The following MAP7D2 variants were observed in gnomAD, a reference collection of about 807,000 sequenced individuals.
MAP7D2 encodes MAP7 domain-containing protein 2.
In MAP7D2, 33 loss-of-function variants were observed where a neutral mutation model predicts 63.5. The ratio of observed to expected loss-of-function variants is 0.52; its 90% CI spans 0.39 to 0.70. The LOEUF is 0.70. MAP7D2 is among the 30% of genes least tolerant of loss of function. The pLI, the probability that MAP7D2 is intolerant of heterozygous loss-of-function variation, is 0.00. For missense variants in MAP7D2, 626 were observed against 604.0 expected, an observed-to-expected ratio of 1.04 and a Z score of -0.38; for synonymous variants, 224 against 223.7, an observed-to-expected ratio of 1.00 and a Z score of -0.01.
chrX:20,013,424 C>T, intron 13 of MAP7D2, 145 bp downstream of exon 13: 2 of 532,981 alleles, frequency 3.8e-6, no homozygotes, highest in Admixed American at 4.0e-5. Context: ...GTACCTAACC[C>T]TCCTTAACCT....
At chrX:20,032,568 T>C (rs2074083663) in intron 8 of MAP7D2, among the ~76,000 whole-genome samples, 1 of 111,898 alleles carries the variant, frequency 8.9e-6, no homozygotes, top group Admixed American at 9.5e-5. Context: ...ATCCTAATTT[T>C]TTCCCTCATA....
intron 10 of MAP7D2, among the ~76,000 whole-genome samples, chrX:20,019,628 G>A (rs2073562446): frequency 1.8e-5 from 2 of 111,797 alleles, no homozygotes; most frequent in Admixed American, 1.9e-4. Flanking sequence ...CGAGTATGTG[G>A]GTTTCACTGG....
At chrX:20,082,822 G>T (rs1397692787) in intron 1 of MAP7D2, among the ~76,000 whole-genome samples, 2 of 111,412 alleles carry the variant, frequency 1.8e-5, no homozygotes, top group Non-Finnish European at 3.8e-5. Context: ...TAGAGACGGG[G>T]TTTCATTATA....
intron 1 of MAP7D2, among the ~76,000 whole-genome samples, chrX:20,106,912 G>T (rs1451713307): frequency 9.2e-6 from 1 of 109,175 alleles, no homozygotes; most frequent in African/African-American, 3.3e-5. Flanking sequence ...AGCCTGAGAG[G>T]TTGGGGCTGC....
At chrX:20,106,402 T>C (rs1193091112) in intron 1 of MAP7D2, among the ~76,000 whole-genome samples, 1 of 112,212 alleles carries the variant, frequency 8.9e-6, no homozygotes, top group Non-Finnish European at 1.9e-5. Context: ...GCCCATTCCA[T>C]CAAAGTGTGT....
intron 8 of MAP7D2, among the ~76,000 whole-genome samples, chrX:20,033,714 T>C (rs757619836): frequency 9.0e-6 from 1 of 111,690 alleles, no homozygotes; most frequent in South Asian, 3.7e-4. Context: ...GGTGAGTTCA[T>C]AGGGCTAATT....
chrX:20,094,423 G>A (rs759267147), intron 1 of MAP7D2, among the ~76,000 whole-genome samples: 10 of 92,057 alleles, frequency 1.1e-4, no homozygotes, highest in Non-Finnish European at 1.7e-4. Flanking sequence ...CCTCGCAGTG[G>A]GCAGAGGATT....
At chrX:20,113,370 C>T (rs1034606472) in intron 1 of MAP7D2, among the ~76,000 whole-genome samples, 6 of 111,343 alleles carry the variant, frequency 5.4e-5, no homozygotes, top group African/African-American at 2.0e-4. Flanking sequence ...CTCAGCCTCC[C>T]GAGTAGCTGG....
chrX:20,013,824 G>A (rs1174219951), intron 12 of MAP7D2, among the ~76,000 whole-genome samples, 199 bp from the exon 13 acceptor site: 1 of 112,541 alleles, frequency 8.9e-6, no homozygotes, highest in Non-Finnish European at 1.9e-5. Flanking sequence ...AAGGTCAAAT[G>A]CTTGAGAAGT....
chrX:20,104,939 T>C (rs944538465), intron 1 of MAP7D2, among the ~76,000 whole-genome samples: 2 of 112,512 alleles, frequency 1.8e-5, no homozygotes, highest in African/African-American at 3.2e-5. Context: ...GCGCTAGGTA[T>C]TGAAGGAAGA....
chrX:20,082,064 T>A (rs1157022323), intron 1 of MAP7D2, among the ~76,000 whole-genome samples: 1 of 111,969 alleles, frequency 8.9e-6, no homozygotes, highest in East Asian at 2.8e-4. Context: ...GAAGAGATGG[T>A]CCCAGTTACA....
At chrX:20,049,761 T>C (rs60349697) in intron 6 of MAP7D2, 86,146 of 277,037 alleles carry the variant, frequency 0.31, 14,345 homozygotes, top group African/African-American at 0.84. Flanking sequence ...ACGGTCAGAC[T>C]GTGTTCTACA....
At chrX:20,105,307 G>C (rs1165097779) in intron 1 of MAP7D2, among the ~76,000 whole-genome samples, 1 of 111,737 alleles carries the variant, frequency 8.9e-6, no homozygotes, top group African/African-American at 3.3e-5. Flanking sequence ...AGCAACCAGA[G>C]TACCACACTG....
At chrX:20,092,196 A>G (rs752697927) in intron 1 of MAP7D2, among the ~76,000 whole-genome samples, 44 of 111,824 alleles carry the variant, frequency 3.9e-4, no homozygotes, top group Non-Finnish European at 7.7e-4. Context: ...CTTATTTTTC[A>G]CAAAACCTAA....
chrX:20,060,253 C>A (rs1172969702), intron 3 of MAP7D2, among the ~76,000 whole-genome samples: 1 of 109,966 alleles, frequency 9.1e-6, no homozygotes, highest in African/African-American at 3.3e-5. Context: ...CTCCTGACCT[C>A]AGGTGATCCA....
chrX:20,059,579 AGTGGAAGG>A (rs1263413402), intron 3 of MAP7D2, among the ~76,000 whole-genome samples: 1 of 82,717 alleles, frequency 1.2e-5, no homozygotes, highest in Admixed American at 1.3e-4. Flanking sequence ...GGTAGGGCTT[AGTGGAAGG>A]GTGGAAGGAA....
chrX:20,082,501 C>T (rs4604640), intron 1 of MAP7D2, among the ~76,000 whole-genome samples: 24,293 of 111,821 alleles, frequency 0.22, 2,013 homozygotes, highest in African/African-American at 0.23. Flanking sequence ...GAGTTACCCC[C>T]ATCCTAGGCC....
chrX:20,046,993 C>T (rs1042713771), intron 6 of MAP7D2, among the ~76,000 whole-genome samples: 6 of 112,874 alleles, frequency 5.3e-5, no homozygotes, highest in African/African-American at 1.9e-4. Context: ...CTGAAAGCAC[C>T]TTGGACTCAG....
At position 20,088,490 on chromosome X, in the gene MAP7D2, T is replaced by G. The variant is rs1352989834; in HGVS notation, c.131-23685A>C. Among the ~76,000 whole-genome samples the G allele has an allele frequency of 8.7e-4, 32 of 36,920 alleles. 1 individual carries two copies. The African/African-American group carries it at 0.01, about 12-fold the overall frequency. The allele number at this position is 36,920 out of a possible 115,157, so 32.1% of individuals were successfully genotyped here. A position where few individuals can be genotyped will look rare whatever the true frequency, so the allele number is the denominator to read the frequency against. ...TCAGTTTTTTTTTTTTTTTTTTTTT[T>G]TTTTTTTTTTTTTTTGCAGAGACAG... On this transcript the variant is annotated intron_variant, in intron 1 of 16. Coordinates refer to ENST00000379643, the MANE Select transcript of MAP7D2 (RefSeq NM_001168465.2).
Sources: allele counts gnomAD v4.1 joint callset (sites outside exome capture counted in the v4.1 genomes callset), GRCh38; gene constraint gnomAD v4.1.1; transcripts MANE v1.5; gene names NCBI Gene and HGNC (gene_info 2026-07-23, HGNC 2026-07-21).